Variants in MBOAT1 observed in about 807,000 individuals in gnomAD.
MBOAT1 encodes membrane bound glycerophospholipid O-acyltransferase 1.
A neutral mutation model predicts 64.4 loss-of-function variants in MBOAT1; 67 were observed. That is an observed-to-expected ratio of 1.04 (90% CI 0.85 to 1.27). MBOAT1 has a LOEUF of 1.27. Among genes scored for constraint, MBOAT1 ranks in the 50% most tolerant of loss-of-function variants. The pLI, the probability that MBOAT1 is intolerant of heterozygous loss-of-function variation, is 0.00. For missense variants in MBOAT1, 563 were observed against 604.6 expected (o/e 0.93, Z 0.72); for synonymous variants, 229 against 218.9 (o/e 1.05, Z -0.41).
At chr6:20,118,744 T>C (rs1760408708) in intron 8 of MBOAT1, among the ~76,000 whole-genome samples, 1 of 152,200 alleles carries the variant, frequency 6.6e-6, no homozygotes, top group Non-Finnish European at 1.5e-5. Flanking sequence ...TTTTTATGCA[T>C]TCATTCCCTT....
At chr6:20,137,730 A>G (rs968911642) in intron 4 of MBOAT1, among the ~76,000 whole-genome samples, 2 of 152,150 alleles carry the variant, frequency 1.3e-5, no homozygotes, top group African/African-American at 2.4e-5. Flanking sequence ...ACACACACAC[A>G]CACACACACA....
At chr6:20,132,555 T>C (rs1328942149) in intron 4 of MBOAT1, among the ~76,000 whole-genome samples, 1 of 152,040 alleles carries the variant, frequency 6.6e-6, no homozygotes, top group Non-Finnish European at 1.5e-5. Flanking sequence ...GATGTACACA[T>C]GAAAGAACAG....
Position 20,104,297 on chromosome 6 carries a change from T to C in MBOAT1, c.1362-1885A>G, listed in dbSNP as rs982092149. 2.0e-5 allele frequency among the ~76,000 whole-genome samples: 3 copies of C among 152,348 alleles called. No individual in the cohort carries two copies. The East Asian group carries it at 5.8e-4, about 29-fold the overall frequency. On this transcript the variant is annotated intron_variant, in intron 12 of 12. Transcript: ENST00000324607. ...CAACGTATGACTGTATTCTATTCCT[T>C]AAACACAATGCAACTAACACTTTAA...
intron 1 of MBOAT1, among the ~76,000 whole-genome samples, chr6:20,157,465 A>G (rs1761728477): frequency 2.0e-5 from 3 of 152,258 alleles, no homozygotes; most frequent in African/African-American, 7.2e-5. Flanking sequence ...TTTTATCAGG[A>G]TGGCAGGAAT....
chr6:20,138,349 T>C (rs1364854618), intron 4 of MBOAT1, among the ~76,000 whole-genome samples: 3 of 152,186 alleles, frequency 2.0e-5, no homozygotes, highest in Admixed American at 6.5e-5. Flanking sequence ...AAATATTCTG[T>C]AGTTTTGTGG....
At position 20,109,741 on chromosome 6, in the gene MBOAT1, G is replaced by T. The variant is rs1191642448; in HGVS notation, c.1218C>A (p.Asn406Lys). Residue 406 changes from asparagine (N) to lysine (K), a missense_variant, in exon 12 of 13, where the codon AAC becomes AAA. Asn to Lys is a moderately conservative substitution (Grantham distance 94, BLOSUM62 0). Transcript: ENST00000324607. ...LVTLAARAVRNNYRHYFLSSR... is the reference protein window; with the variant it reads ...LVTLAARAVRKNYRHYFLSSR... ...AAGAAAGGAAGTAATGTCTGTAGTT[G>T]TTCCTGACCTGCAGGCCAACACAGG... 2.0e-5 allele frequency: 33 copies of T among 1,613,106 alleles called. No individual in the cohort carries two copies. The highest frequency in any genetic ancestry group is 2.8e-5 in the Non-Finnish European group (33 of 1,179,320).
intron 5 of MBOAT1, among the ~76,000 whole-genome samples, chr6:20,129,541 T>C (rs1004306949): frequency 7.3e-5 from 11 of 151,564 alleles, no homozygotes; most frequent in African/African-American, 2.7e-4. Flanking sequence ...TGGAATTTAC[T>C]CGTTCCTCCC....
intron 11 of MBOAT1, among the ~76,000 whole-genome samples, chr6:20,111,893 T>TATATACATATATA (rs1491191628): frequency 1.1e-4 from 16 of 140,644 alleles, no homozygotes; most frequent in African/African-American, 2.2e-4. Flanking sequence ...TATATATATA[T>TATATACATATATA]TCCAGCACAC....
chr6:20,113,170 G>T (rs1404543550), intron 10 of MBOAT1, among the ~76,000 whole-genome samples, 162 bp from the exon 11 acceptor site: 2 of 152,212 alleles, frequency 1.3e-5, no homozygotes, highest in Non-Finnish European at 2.9e-5. Context: ...CAAGCAGCCT[G>T]GACTACCCTG....
intron 8 of MBOAT1, among the ~76,000 whole-genome samples, chr6:20,124,021 C>T (rs866547991): frequency 2.4e-4 from 37 of 152,176 alleles, no homozygotes; most frequent in African/African-American, 8.7e-4. Flanking sequence ...CGTGCCACTG[C>T]GCTCCAGCCT....
At chr6:20,175,664 A>G (rs112178946) in intron 1 of MBOAT1, among the ~76,000 whole-genome samples, 7,694 of 150,080 alleles carry the variant, frequency 0.051, 270 homozygotes, top group African/African-American at 0.097. Context: ...TAGAGACGCA[A>G]TTTCACTGTG....
intron 1 of MBOAT1, among the ~76,000 whole-genome samples, chr6:20,186,506 GAA>G (rs1392507368): frequency 2.6e-5 from 4 of 152,344 alleles, no homozygotes; most frequent in Admixed American, 2.6e-4. Flanking sequence ...GTAGAATGGA[GAA>G]GAAACTGTTG....
intron 1 of MBOAT1, among the ~76,000 whole-genome samples, chr6:20,179,037 A>G (rs1762433593): frequency 6.6e-6 from 1 of 151,892 alleles, no homozygotes; most frequent in African/African-American, 2.4e-5. Context: ...AGACCATCCT[A>G]TCACCTAGGT....
intron 1 of MBOAT1, among the ~76,000 whole-genome samples, chr6:20,183,894 C>T (rs541428203): frequency 6.6e-6 from 1 of 152,202 alleles, no homozygotes; most frequent in East Asian, 1.9e-4. Context: ...GCACTTCTTA[C>T]ATGGTGGCAG....
At chr6:20,164,638 T>A (rs76770011) in intron 1 of MBOAT1, among the ~76,000 whole-genome samples, 5 of 151,882 alleles carry the variant, frequency 3.3e-5, no homozygotes, top group African/African-American at 9.7e-5. Context: ...AGGCATCTTT[T>A]AAAAAAATTT....
At chr6:20,105,200 A>G (rs1759915344) in intron 12 of MBOAT1, among the ~76,000 whole-genome samples, 1 of 151,290 alleles carries the variant, frequency 6.6e-6, no homozygotes, top group Non-Finnish European at 1.5e-5. Context: ...TTAATCTTTC[A>G]TATGTGGCCA....
At chr6:20,111,827 TATATATACAC>T (rs1311682062) in intron 11 of MBOAT1, among the ~76,000 whole-genome samples, 360 of 120,688 alleles carry the variant, frequency 3.0e-3, no homozygotes, top group Middle Eastern at 0.012. Flanking sequence ...TATATATACA[TATATATACAC>T]ATATATATAC....
rs762718910 is a variant in MBOAT1 at position 20,119,989 on chromosome 6, C to CTG, written c.908-1451_908-1450dup. Among the ~76,000 whole-genome samples the CTG allele has an allele frequency of 3.2e-3, 302 of 95,038 alleles. 1 individual carries two copies. The highest frequency in any genetic ancestry group is 0.012 in the East Asian group (31 of 2,588). The allele number at this position is 95,038 out of a possible 152,430, so 62.3% of individuals were successfully genotyped here. A position where few individuals can be genotyped will look rare whatever the true frequency, so the allele number is the denominator to read the frequency against. ...AAGAGAATAATGATAACTATCTTTTCTGTGTGTGTGTGTGTGCGTGTGTGT... is the reference window on the plus strand; with the variant it reads ...AAGAGAATAATGATAACTATCTTTTCTGTGTGTGTGTGTGTGTGCGTGTGTGT... On this transcript the variant is annotated intron_variant, in intron 8 of 12. Transcript: ENST00000324607.
intron 4 of MBOAT1, among the ~76,000 whole-genome samples, chr6:20,138,726 A>G (rs1487432217): frequency 6.6e-6 from 1 of 152,178 alleles, no homozygotes; most frequent in Non-Finnish European, 1.5e-5. Context: ...TTGTTAATTC[A>G]TCAAAAGGTG....
Sources: allele counts gnomAD v4.1 joint callset (sites outside exome capture counted in the v4.1 genomes callset), GRCh38; gene constraint gnomAD v4.1.1; transcripts MANE v1.5; gene names NCBI Gene and HGNC (gene_info 2026-07-23, HGNC 2026-07-21).